CTNNBL1: variants seen among roughly 807,000 people sequenced by gnomAD.
The protein encoded by CTNNBL1 is beta-catenin-like protein 1.
Under a neutral mutation model 72.7 loss-of-function variants are expected in CTNNBL1, and 31 were observed. The ratio of observed to expected loss-of-function variants is 0.43; its 90% confidence interval spans 0.32 to 0.58. CTNNBL1 has a LOEUF of 0.58. Among genes scored for constraint, CTNNBL1 ranks in the 20% least tolerant of loss-of-function variants. The pLI is 0.08. For synonymous variants in CTNNBL1, 240 were observed against 267.3 expected, an observed-to-expected ratio of 0.90 and a Z score of 1.00; for missense variants, 534 against 725.1, an observed-to-expected ratio of 0.74 and a Z score of 3.03.
At chr20:37,783,926 T>G (rs149305500) in intron 10 of CTNNBL1, among the ~76,000 whole-genome samples, 31 of 152,332 alleles carry the variant, frequency 2.0e-4, no homozygotes, top group African/African-American at 7.5e-4. Flanking sequence ...TGTCTGGATG[T>G]TTGATCCAGT....
intron 10 of CTNNBL1, among the ~76,000 whole-genome samples, chr20:37,782,134 C>T (rs1568778203): frequency 6.6e-6 from 1 of 152,106 alleles, no homozygotes; most frequent in African/African-American, 2.4e-5. Flanking sequence ...TAACTTTCTA[C>T]GTTAAGTGCT....
intron 11 of CTNNBL1, among the ~76,000 whole-genome samples, chr20:37,822,766 A>G (rs1448948030): frequency 6.6e-6 from 1 of 152,202 alleles, no homozygotes; most frequent in African/African-American, 2.4e-5. Context: ...ATTTTTTCAC[A>G]TCTGTACAAT....
intron 2 of CTNNBL1, 49 bp from the exon 3 acceptor site, chr20:37,737,329 T>C (rs761621326): frequency 1.0e-5 from 13 of 1,297,408 alleles, no homozygotes; most frequent in Non-Finnish European, 1.4e-5. Context: ...TGACAATGAA[T>C]GTGAAACCCC....
Position 37,822,960 on chromosome 20 carries a change from G to A in CTNNBL1, c.1214-17142G>A, listed in dbSNP as rs527489796. ...TTCTTTATTTGTACAATTCTAAAAT[G>A]GTTGCACTGGGTGTATAGAAAGATT... On this transcript the variant is annotated intron_variant, in intron 11 of 15. Transcript: ENST00000361383. Among the ~76,000 whole-genome samples, 6 of 152,334 alleles carry A rather than the reference G, an allele frequency of 3.9e-5. 1 individual carries two copies. Among genetic ancestry groups the A allele is most frequent in the Non-Finnish European group, 7.4e-5 (5 of 68,026 alleles).
At chr20:37,736,899 C>T (rs1440314155) in intron 2 of CTNNBL1, among the ~76,000 whole-genome samples, 1 of 152,132 alleles carries the variant, frequency 6.6e-6, no homozygotes, top group Non-Finnish European at 1.5e-5. Context: ...TGATTACAGG[C>T]CCTTACTCCT....
chr20:37,765,239 C>T lies in CTNNBL1; in HGVS notation c.607C>T (p.Arg203Cys), dbSNP rs1441740452. Residue 203 changes from arginine (R) to cysteine (C), a missense_variant, in exon 6 of 16, where the codon CGC becomes TGC. Transcript: ENST00000361383. Reference sequence around the variant, plus strand: ...AGCACTGCTGGTACAGAATCTGGAGCGCCTGGATGAGTCTGTGAAAGAGGA... The same window carrying T: ...AGCACTGCTGGTACAGAATCTGGAGTGCCTGGATGAGTCTGTGAAAGAGGA... ...VVALLVQNLERLDESVKEEAD... is the reference protein window; with the variant it reads ...VVALLVQNLECLDESVKEEAD... 7 of 1,551,344 alleles carry T rather than the reference C, an allele frequency of 4.5e-6. No homozygotes were observed. The highest frequency in any genetic ancestry group is 3.9e-5 in the Admixed American group (2 of 50,984).
chr20:37,738,399 C>T (rs1385020369), intron 3 of CTNNBL1, among the ~76,000 whole-genome samples: 2 of 152,250 alleles, frequency 1.3e-5, no homozygotes, highest in Non-Finnish European at 2.9e-5. Context: ...TTTTACTACA[C>T]TGGCACCTTG....
At chr20:37,805,297 G>A (rs1015088285) in intron 11 of CTNNBL1, among the ~76,000 whole-genome samples, 5 of 152,158 alleles carry the variant, frequency 3.3e-5, no homozygotes, top group Admixed American at 6.5e-5. Flanking sequence ...TCCTGCCCCC[G>A]GGCTTCCAGC....
At chr20:37,777,174 C>T in intron 7 of CTNNBL1, 171 bp from the exon 8 acceptor site, 1 of 565,812 alleles carries the variant, frequency 1.8e-6, no homozygotes, top group Non-Finnish European at 3.2e-6. Flanking sequence ...TGTCACTTTA[C>T]TTGGTTCTGG....
chr20:37,755,452 G>A (rs1159910824), intron 4 of CTNNBL1, among the ~76,000 whole-genome samples: 1 of 152,182 alleles, frequency 6.6e-6, no homozygotes, highest in Admixed American at 6.5e-5. Flanking sequence ...TTTAGATGAA[G>A]ATGCTAAGCA....
intron 1 of CTNNBL1, among the ~76,000 whole-genome samples, chr20:37,721,990 C>T (rs1166672376): frequency 6.6e-6 from 1 of 152,158 alleles, no homozygotes; most frequent in East Asian, 1.9e-4. Flanking sequence ...TTCCCCATAT[C>T]CTCACCAACA....
intron 13 of CTNNBL1, among the ~76,000 whole-genome samples, chr20:37,845,733 T>G (rs1256893266): frequency 6.6e-6 from 1 of 152,214 alleles, no homozygotes; most frequent in Non-Finnish European, 1.5e-5. Context: ...CCCATTAAAT[T>G]TGAATGTCCT....
intron 15 of CTNNBL1, among the ~76,000 whole-genome samples, chr20:37,863,090 A>T (rs545400723): frequency 6.6e-6 from 1 of 152,370 alleles, no homozygotes; most frequent in East Asian, 1.9e-4. Context: ...ACATTGTGGA[A>T]TGAAACCCTA....
At chr20:37,845,262 CAG>C (rs1272967167) in intron 13 of CTNNBL1, among the ~76,000 whole-genome samples, 7 of 152,256 alleles carry the variant, frequency 4.6e-5, no homozygotes, top group Non-Finnish European at 8.8e-5. Context: ...GGCTGGGTGT[CAG>C]GGAGCAGTTT....
intron 11 of CTNNBL1, among the ~76,000 whole-genome samples, chr20:37,814,473 T>G (rs2072037480): frequency 6.6e-6 from 1 of 152,196 alleles, no homozygotes; most frequent in Non-Finnish European, 1.5e-5. Flanking sequence ...CTTCAGTTTC[T>G]ATTCCTAACC....
chr20:37,731,684 T>A (rs1403183286), intron 1 of CTNNBL1, among the ~76,000 whole-genome samples: 1 of 152,350 alleles, frequency 6.6e-6, no homozygotes, highest in South Asian at 2.1e-4. Flanking sequence ...TGTCTTTCTG[T>A]GCCTGGCTTA....
intron 12 of CTNNBL1, among the ~76,000 whole-genome samples, 191 bp downstream of exon 12, chr20:37,840,390 G>A (rs1195828483): frequency 3.3e-5 from 5 of 152,304 alleles, no homozygotes; most frequent in East Asian, 1.9e-4. Flanking sequence ...GCATTCTCCT[G>A]GGAGTAGTAA....
intron 9 of CTNNBL1, among the ~76,000 whole-genome samples, chr20:37,778,354 T>C (rs2073594420): frequency 6.6e-6 from 1 of 151,936 alleles, no homozygotes; most frequent in African/African-American, 2.4e-5. Flanking sequence ...ATCTTAAGAG[T>C]GTTGGGAGAG....
intron 7 of CTNNBL1, among the ~76,000 whole-genome samples, chr20:37,770,164 C>T (rs1185544277): frequency 2.6e-5 from 4 of 152,220 alleles, no homozygotes; most frequent in African/African-American, 9.6e-5. Flanking sequence ...TCATTTGCAA[C>T]TTCCTTTTGA....
Sources: allele counts gnomAD v4.1 joint callset (sites outside exome capture counted in the v4.1 genomes callset), GRCh38; gene constraint gnomAD v4.1.1; transcripts MANE v1.5; gene names NCBI Gene and HGNC (gene_info 2026-07-23, HGNC 2026-07-21).